The following EPN2 variants were observed in gnomAD, a reference collection of about 807,000 sequenced individuals.
The protein encoded by EPN2 is epsin 2.
EPN2 carries 34 observed loss-of-function variants against 61.7 expected under a neutral mutation model. The ratio of observed to expected loss-of-function variants is 0.55; its 90% CI spans 0.42 to 0.73. The LOEUF (loss-of-function observed/expected upper bound fraction) is 0.73. Ranked by LOEUF, EPN2 falls within the 30% of genes least tolerant of loss-of-function variation. The pLI, the probability that EPN2 is intolerant of heterozygous loss-of-function variation, is 0.00. For missense variants in EPN2, 714 were observed against 839.2 expected (o/e 0.85, Z 1.84); for synonymous variants, 349 against 353.6 (o/e 0.99, Z 0.15).
chr17:19,311,639 A>C (rs1207573532), intron 5 of EPN2, among the ~76,000 whole-genome samples: 1 of 152,206 alleles, frequency 6.6e-6, no homozygotes, highest in African/African-American at 2.4e-5. Flanking sequence ...TACACAGTGG[A>C]GGTGGAATGA....
intron 1 of EPN2, among the ~76,000 whole-genome samples, chr17:19,280,928 T>A (rs1023930029): frequency 6.6e-6 from 1 of 152,214 alleles, no homozygotes; most frequent in Non-Finnish European, 1.5e-5. Context: ...TTCTTTGGGT[T>A]CAATTAATTC....
chr17:19,251,054 A>C (rs904657328), intron 1 of EPN2, among the ~76,000 whole-genome samples: 1 of 152,116 alleles, frequency 6.6e-6, no homozygotes, highest in African/African-American at 2.4e-5. Flanking sequence ...ACCCAACACT[A>C]GTACATTCTG....
At chr17:19,268,785 A>G (rs2045226294) in intron 1 of EPN2, among the ~76,000 whole-genome samples, 1 of 152,234 alleles carries the variant, frequency 6.6e-6, no homozygotes, top group Admixed American at 6.5e-5. Context: ...ATCACATGGT[A>G]CACAGCGGTG....
chr17:19,281,729 G>A (rs1421659793), intron 1 of EPN2, among the ~76,000 whole-genome samples: 5 of 152,124 alleles, frequency 3.3e-5, no homozygotes, highest in Non-Finnish European at 7.3e-5. Context: ...CTGAGGGTTT[G>A]AGGGTGGGGG....
chr17:19,281,954 G>A lies in EPN2; in HGVS notation c.-293-1G>A, dbSNP rs190883790. ...ATCTGTAACATTCATTTATTTAACAGTGTTCATTTCTGTGTCGGGCACAGT... is the reference window on the plus strand; with the variant it reads ...ATCTGTAACATTCATTTATTTAACAATGTTCATTTCTGTGTCGGGCACAGT... On this transcript the variant is annotated splice_acceptor_variant, in intron 1 of 10. Transcript: ENST00000314728. LOFTEE classifies it low-confidence loss of function (5UTR_SPLICE). The A allele has an allele frequency of 1.3e-5, 2 of 152,318 alleles. No individual in the cohort carries two copies. The highest frequency in any genetic ancestry group is 2.4e-5 in the African/African-American group (1 of 41,568). 9.4% of individuals were successfully genotyped at this position (152,318 alleles called of 1,614,324 possible). A position where few individuals can be genotyped will look rare whatever the true frequency, so the allele number is the denominator to read the frequency against.
chr17:19,290,720 A>AAAAAAAAAAAAAAAAAAAAG (rs1555600084), intron 4 of EPN2, among the ~76,000 whole-genome samples: 6 of 105,568 alleles, frequency 5.7e-5, no homozygotes, highest in Non-Finnish European at 1.2e-4. Context: ...AAAAAAGAAA[A>AAAAAAAAAAAAAAAAAAAAG]AAAAAGAAAA....
chr17:19,324,318 C>A (rs1906768715), intron 7 of EPN2, among the ~76,000 whole-genome samples: 1 of 152,184 alleles, frequency 6.6e-6, no homozygotes, highest in African/African-American at 2.4e-5. Flanking sequence ...TAATGAAAAT[C>A]AGATATATTT....
intron 4 of EPN2, among the ~76,000 whole-genome samples, chr17:19,304,409 C>T (rs533488545): frequency 6.6e-6 from 1 of 152,316 alleles, no homozygotes; most frequent in East Asian, 1.9e-4. Context: ...GGACGCTGAC[C>T]CTGTGCTCAG....
chr17:19,319,184 A>T (rs1906531469), intron 7 of EPN2, among the ~76,000 whole-genome samples: 1 of 151,730 alleles, frequency 6.6e-6, no homozygotes, highest in South Asian at 2.1e-4. Flanking sequence ...GGCAACAGTG[A>T]GACCCTGTCT....
At chr17:19,280,382 T>C (rs2045348468) in intron 1 of EPN2, among the ~76,000 whole-genome samples, 1 of 152,250 alleles carries the variant, frequency 6.6e-6, no homozygotes, top group Non-Finnish European at 1.5e-5. Context: ...GCCCATCGTA[T>C]CTTTGCCAGC....
chr17:19,257,042 T>C (rs1028642535), intron 1 of EPN2, among the ~76,000 whole-genome samples: 11 of 152,046 alleles, frequency 7.2e-5, no homozygotes, highest in Admixed American at 1.3e-4. Flanking sequence ...TAGAAGAAAA[T>C]AGCAAGTCGC....
At chr17:19,287,111 G>A (rs1294344293) in intron 4 of EPN2, among the ~76,000 whole-genome samples, 1 of 152,072 alleles carries the variant, frequency 6.6e-6, no homozygotes, top group East Asian at 1.9e-4. Flanking sequence ...TGGGACGTTT[G>A]CATGTTAAAT....
At chr17:19,272,304 A>G (rs1011066829) in intron 1 of EPN2, among the ~76,000 whole-genome samples, 1 of 152,144 alleles carries the variant, frequency 6.6e-6, no homozygotes, top group East Asian at 1.9e-4. Flanking sequence ...TGCTTTTCAC[A>G]TTTCCAAAGG....
chr17:19,310,724 C>T (rs1418962088), intron 5 of EPN2, among the ~76,000 whole-genome samples: 4 of 151,606 alleles, frequency 2.6e-5, no homozygotes, highest in Admixed American at 6.6e-5. Flanking sequence ...ATTTCAGGCG[C>T]GTGCCACCAT....
intron 1 of EPN2, among the ~76,000 whole-genome samples, chr17:19,278,770 A>G (rs2045333243): frequency 6.6e-6 from 1 of 152,146 alleles, no homozygotes; most frequent in South Asian, 2.1e-4. Context: ...TGCCTCAGCT[A>G]CCCAGGTAGC....
chr17:19,315,975 G>A (rs1417289019), intron 7 of EPN2, among the ~76,000 whole-genome samples: 1 of 152,164 alleles, frequency 6.6e-6, no homozygotes, highest in Non-Finnish European at 1.5e-5. Context: ...CATAGAAACG[G>A]AGTCATGCAC....
intron 4 of EPN2, chr17:19,308,376 A>G (rs889375956): frequency 1.0e-6 from 1 of 985,332 alleles, no homozygotes; most frequent in African/African-American, 1.7e-5. Context: ...GCCCGGCACA[A>G]TTAGAACATT....
chr17:19,261,171 G>T (rs2045137688), intron 1 of EPN2, among the ~76,000 whole-genome samples: 1 of 152,196 alleles, frequency 6.6e-6, no homozygotes, highest in African/African-American at 2.4e-5. Context: ...GACAGATTTT[G>T]CCCAGTTGCC....
intron 4 of EPN2, among the ~76,000 whole-genome samples, chr17:19,304,914 A>AT (rs961761552): frequency 2.0e-5 from 3 of 151,842 alleles, no homozygotes; most frequent in Non-Finnish European, 4.4e-5. Flanking sequence ...GCAACCTTTC[A>AT]TTTTTTCTGA....
Sources: allele counts gnomAD v4.1 joint callset (sites outside exome capture counted in the v4.1 genomes callset), GRCh38; gene constraint gnomAD v4.1.1; transcripts MANE v1.5; gene names NCBI Gene and HGNC (gene_info 2026-07-23, HGNC 2026-07-21).